GPHN: variants seen among roughly 807,000 people sequenced by gnomAD.
The protein encoded by GPHN is gephyrin.
A neutral mutation model predicts 95.5 loss-of-function variants in GPHN; 17 were observed. The ratio of observed to expected loss-of-function variants is 0.18; its 90% confidence interval spans 0.12 to 0.27. GPHN has a LOEUF of 0.27. Ranked by LOEUF, GPHN falls within the 10% of genes least tolerant of loss-of-function variation. The pLI is 1.00. For missense variants in GPHN, 660 were observed against 978.1 expected, an observed-to-expected ratio of 0.67 and a Z score of 4.34; for synonymous variants, 320 against 322.5, an observed-to-expected ratio of 0.99 and a Z score of 0.08.
chr14:67,480,944 GAAGA>G, the GPHN span, among the ~76,000 whole-genome samples: 2 of 152,200 alleles, frequency 1.3e-5, no homozygotes, highest in South Asian at 4.1e-4. Flanking sequence ...GCAGAAGCAA[GAAGA>G]AAGGGGTAGC....
At chr14:66,985,102 A>G (rs2070929666) in intron 9 of GPHN, among the ~76,000 whole-genome samples, 1 of 152,174 alleles carries the variant, frequency 6.6e-6, no homozygotes, top group African/African-American at 2.4e-5. Context: ...TATATCTAAC[A>G]TTGGTCTGGC....
intron 10 of GPHN, among the ~76,000 whole-genome samples, chr14:67,038,922 C>A (rs776738182): frequency 1.3e-5 from 2 of 152,290 alleles, no homozygotes; most frequent in Admixed American, 6.5e-5. Context: ...TTCTAAATAT[C>A]CTTTTTCCCA....
At chr14:67,267,119 T>C in the GPHN span, among the ~76,000 whole-genome samples, 6 of 151,966 alleles carry the variant, frequency 3.9e-5, no homozygotes, top group South Asian at 6.3e-4. Context: ...AACAAACAAA[T>C]AAATAAATAA....
intron 9 of GPHN, among the ~76,000 whole-genome samples, chr14:66,983,719 T>G (rs761121913): frequency 9.9e-5 from 15 of 150,964 alleles, no homozygotes; most frequent in Non-Finnish European, 1.9e-4. Context: ...GGTAACTGTC[T>G]TTTTTTCTTC....
the GPHN span, among the ~76,000 whole-genome samples, chr14:67,310,851 CTA>C: frequency 6.6e-6 from 1 of 152,120 alleles, no homozygotes; most frequent in Non-Finnish European, 1.5e-5. Context: ...CTATCTATGT[CTA>C]TCTTTGTCAC....
At chr14:67,489,761 C>T in the GPHN span, among the ~76,000 whole-genome samples, 35 of 152,298 alleles carry the variant, frequency 2.3e-4, 1 homozygote, top group South Asian at 4.8e-3. Flanking sequence ...GAGGCCGAGG[C>T]GGGCGGATCA....
the GPHN span, among the ~76,000 whole-genome samples, chr14:67,504,351 T>C: frequency 2.0e-5 from 3 of 152,194 alleles, no homozygotes; most frequent in Admixed American, 1.3e-4. Flanking sequence ...ATAAGTACGT[T>C]CCTCATGAGG....
At chr14:67,334,250 C>CTAAT in the GPHN span, 2 of 152,574 alleles carry the variant, frequency 1.3e-5, no homozygotes, top group African/African-American at 4.8e-5. Context: ...AACATTTAAG[C>CTAAT]TAATAGGATT....
At chr14:67,595,845 A>G in the GPHN span, among the ~76,000 whole-genome samples, 1 of 152,214 alleles carries the variant, frequency 6.6e-6, no homozygotes, top group Non-Finnish European at 1.5e-5. Context: ...TAAGATGACA[A>G]GAGCCGGAAT....
At chr14:67,133,730 A>G (rs1279389541) in intron 17 of GPHN, among the ~76,000 whole-genome samples, 3 of 152,298 alleles carry the variant, frequency 2.0e-5, no homozygotes, top group Middle Eastern at 3.4e-3. Flanking sequence ...AGCTGCATTC[A>G]TTCTCTGACA....
chr14:67,083,773 G>A (rs1022951113), intron 11 of GPHN, among the ~76,000 whole-genome samples: 2 of 152,142 alleles, frequency 1.3e-5, no homozygotes, highest in Admixed American at 1.3e-4. Context: ...CATATGCATG[G>A]AGGTGAGCAA....
intron 8 of GPHN, among the ~76,000 whole-genome samples, chr14:66,929,283 G>A (rs1289179335): frequency 6.6e-6 from 1 of 151,750 alleles, no homozygotes; most frequent in Non-Finnish European, 1.5e-5. Flanking sequence ...CGAACTCCTG[G>A]ACCTCAAGCG....
the GPHN span, among the ~76,000 whole-genome samples, chr14:67,214,939 G>A: frequency 1.3e-5 from 2 of 152,076 alleles, no homozygotes; most frequent in Admixed American, 1.3e-4. Flanking sequence ...TTGTGAATGG[G>A]AGTTCACTCA....
chr14:66,724,206 A>G (rs913713602), intron 2 of GPHN, among the ~76,000 whole-genome samples: 1 of 152,122 alleles, frequency 6.6e-6, no homozygotes, highest in African/African-American at 2.4e-5. Flanking sequence ...TATGAGGACC[A>G]GTGCTTTTCA....
chr14:66,585,600 G>T (rs1007992522), intron 1 of GPHN, among the ~76,000 whole-genome samples: 25 of 151,902 alleles, frequency 1.6e-4, no homozygotes, highest in Non-Finnish European at 1.9e-4. Flanking sequence ...CTTTGTTCTC[G>T]TTGGTTTCAA....
the GPHN span, among the ~76,000 whole-genome samples, chr14:67,233,772 G>A: frequency 6.6e-6 from 1 of 152,332 alleles, no homozygotes; most frequent in East Asian, 1.9e-4. Context: ...TTCCTGATGG[G>A]TTGAACGTGC....
At chr14:67,445,577 C>CTTT in the GPHN span, among the ~76,000 whole-genome samples, 1,945 of 59,886 alleles carry the variant, frequency 0.032, 353 homozygotes, top group African/African-American at 0.1. Context: ...AGAGGCAATT[C>CTTT]TTTTTTTTTT....
At chr14:67,713,632 T>G in the GPHN span, among the ~76,000 whole-genome samples, 3 of 152,214 alleles carry the variant, frequency 2.0e-5, no homozygotes, top group Admixed American at 6.5e-5. Flanking sequence ...TAACAAAATG[T>G]AAACCCAGAA....
the GPHN span, among the ~76,000 whole-genome samples, chr14:67,495,996 C>T: frequency 3.9e-5 from 6 of 152,186 alleles, no homozygotes; most frequent in Non-Finnish European, 5.9e-5. Context: ...TCCTCAGGTT[C>T]ACTGTCACAG....
Sources: allele counts gnomAD v4.1 joint callset (sites outside exome capture counted in the v4.1 genomes callset), GRCh38; gene constraint gnomAD v4.1.1; transcripts MANE v1.5; gene names NCBI Gene and HGNC (gene_info 2026-07-23, HGNC 2026-07-21).